The following CA3 variants were observed in gnomAD, a reference collection of about 807,000 sequenced individuals.
CA3 encodes carbonic anhydrase 3.
CA3 carries 30 observed loss-of-function variants against 35.7 expected under a neutral mutation model. That is an observed-to-expected ratio of 0.84 (90% CI 0.63 to 1.14). The LOEUF (loss-of-function observed/expected upper bound fraction) is 1.14. Ranked by LOEUF, CA3 falls within the 50% of genes most tolerant of loss-of-function variation. The pLI is 0.00. For synonymous variants in CA3, 131 were observed against 130.8 expected (o/e 1.00, Z -0.01); for missense variants, 295 against 328.5 (o/e 0.90, Z 0.79).
Position 85,438,889 on chromosome 8 carries a change from C to A in CA3, c.-21C>A. ...CAGGGGAAGAGAAAGCAGGAGCCGT[C>A]CAGCACGGAGGAAGGCGACCATGGC... On this transcript the variant is annotated 5_prime_UTR_variant, in exon 1 of 7. Transcript: ENST00000285381. 1.3e-6 allele frequency: 2 copies of A among 1,550,950 alleles called. No homozygotes were observed. The highest frequency in any genetic ancestry group is 4.9e-5 in the East Asian group (2 of 40,914).
chr8:85,443,298 A>C (rs150088867), intron 3 of CA3, among the ~76,000 whole-genome samples: 1 of 152,240 alleles, frequency 6.6e-6, no homozygotes, highest in Non-Finnish European at 1.5e-5. Context: ...AGCCAAACCA[A>C]TAAGTGGTGG....
chr8:85,448,100 T>C lies in CA3; in HGVS notation c.730T>C (p.Trp244Arg). Residue 244 changes from tryptophan to arginine, a missense_variant, in exon 7 of 7, where the codon TGG (tryptophan) becomes CGG (arginine). Physicochemically the swap from Trp to Arg is moderately radical, Grantham distance 101. Coordinates refer to ENST00000285381, the MANE Select transcript of CA3 (RefSeq NM_005181.4). ...NEPPVPLVSN[W>R]RPPQPINNRV... is the part of the protein sequence containing the mutation. The stretch of plus-strand genomic sequence containing the variant: ...GCCCCCAGTGCCTCTTGTGAGCAAC[T>C]GGCGACCTCCACAGCCTATCAATAA... 2 of 1,613,784 alleles carry C rather than the reference T, an allele frequency of 1.2e-6. No homozygotes were observed. Among genetic ancestry groups the C allele is most frequent in the East Asian group, 2.2e-5 (1 of 44,886 alleles).
chr8:85,438,866 G>A lies in CA3; in HGVS notation c.-44G>A. The A allele has an allele frequency of 6.5e-7, 1 of 1,550,032 alleles. No homozygotes were observed. The highest frequency in any genetic ancestry group is 1.4e-5 in the African/African-American group (1 of 73,144). ...GCTCGCGGCGACTCTGCACCACGCAGGGGAAGAGAAAGCAGGAGCCGTCCA... is the reference window on the plus strand; with the variant it reads ...GCTCGCGGCGACTCTGCACCACGCAAGGGAAGAGAAAGCAGGAGCCGTCCA... On this transcript the variant is annotated 5_prime_UTR_variant, in exon 1 of 7. Coordinates refer to ENST00000285381, the MANE Select transcript of CA3 (RefSeq NM_005181.4).
At chr8:85,440,467 T>G (rs1811192422) in intron 2 of CA3, among the ~76,000 whole-genome samples, 1 of 152,218 alleles carries the variant, frequency 6.6e-6, no homozygotes, top group African/African-American at 2.4e-5. Context: ...TGGGTGAGTA[T>G]TTTTGAAATA....
At chr8:85,440,112 CTG>C (rs928811771) in intron 2 of CA3, among the ~76,000 whole-genome samples, 1 of 152,192 alleles carries the variant, frequency 6.6e-6, no homozygotes, top group African/African-American at 2.4e-5. Flanking sequence ...AACTTGGTCT[CTG>C]TGAAAACGGC....
chr8:85,442,103 A>G lies in CA3; in HGVS notation c.263A>G (p.Tyr88Cys). The G allele has an allele frequency of 6.2e-7, 1 of 1,602,004 alleles. No homozygotes were observed. Among genetic ancestry groups the G allele is most frequent in the East Asian group, 2.2e-5 (1 of 44,808 alleles). ...MLRGGPLPGP[Y>C]RLRQFHLHWG... ...AGAGGGGGTCCTCTCCCTGGACCCT[A>G]CCGACTTCGCCAGTTTCATCTTCAC... The change falls in exon 3 of 7, where the codon TAC (tyrosine) becomes TGC (cysteine). Residue 88 changes from tyrosine to cysteine, a missense_variant. By Grantham distance (194) the Tyr-to-Cys change is radical. Transcript: ENST00000285381.
At chr8:85,447,635 C>T (rs886315006) in intron 6 of CA3, among the ~76,000 whole-genome samples, 6 of 152,200 alleles carry the variant, frequency 3.9e-5, no homozygotes, top group Admixed American at 6.5e-5. Context: ...GATGGCTTAA[C>T]GCCTGTAATC....
Position 85,446,173 on chromosome 8 carries a change from C to T in CA3, c.539C>T (p.Pro180Leu), listed in dbSNP as rs1363138251. Residue 180 changes from proline (P) to leucine (L), a missense_variant, in exon 6 of 7, where the codon CCA becomes CTA. Coordinates refer to ENST00000285381, the MANE Select transcript of CA3 (RefSeq NM_005181.4). ...GAGGCGCCCTTCACAAAGTTTGACC[C>T]ATCCTGCCTGTTCCCGGCATGCCGG... ...GKEAPFTKFD[P>L]SCLFPACRDY... The T allele has an allele frequency of 1.9e-6, 3 of 1,612,874 alleles. No individual in the cohort carries two copies. The highest frequency in any genetic ancestry group is 1.3e-5 in the African/African-American group (1 of 74,926).
chr8:85,445,533 C>CACAT (rs112446854), intron 5 of CA3, among the ~76,000 whole-genome samples: 39,144 of 141,698 alleles, frequency 0.28, 10,486 homozygotes, highest in East Asian at 0.61. Context: ...CACACACACA[C>CACAT]ACACACACAC....
intron 2 of CA3, 122 bp downstream of exon 2, chr8:85,440,031 G>A: frequency 1.5e-6 from 1 of 684,548 alleles, no homozygotes; most frequent in South Asian, 1.8e-5. Flanking sequence ...TTAAAATGCA[G>A]ATGACATTTG....
intron 4 of CA3, among the ~76,000 whole-genome samples, chr8:85,444,724 A>C (rs1352350783): frequency 6.6e-6 from 1 of 152,218 alleles, no homozygotes; most frequent in African/African-American, 2.4e-5. Flanking sequence ...TTTCTCTTTG[A>C]ATGACCTAAT....
intron 3 of CA3, among the ~76,000 whole-genome samples, chr8:85,442,636 C>T (rs1811223517): frequency 6.6e-6 from 1 of 152,108 alleles, no homozygotes; most frequent in Non-Finnish European, 1.5e-5. Context: ...TCACTTGAGC[C>T]TGGGAGGTCG....
In CA3 at chr8:85,445,149, C is replaced by A; in HGVS notation, c.445-7C>A. The A allele has an allele frequency of 6.3e-7, 1 of 1,589,310 alleles. No individual in the cohort carries two copies. Among genetic ancestry groups the A allele is most frequent in the Non-Finnish European group, 8.6e-7 (1 of 1,162,888 alleles). Reference sequence around the variant, plus strand: ...AGAACTATACTTGGATTTCTGTTTTCTTACAGATAGGACATGAGAATGGCG... The same window carrying A: ...AGAACTATACTTGGATTTCTGTTTTATTACAGATAGGACATGAGAATGGCG... On this transcript the variant is annotated splice_polypyrimidine_tract_variant and splice_region_variant and intron_variant, in intron 4 of 6. Coordinates refer to ENST00000285381, the MANE Select transcript of CA3 (RefSeq NM_005181.4).
intron 2 of CA3, 140 bp from the exon 3 acceptor site, chr8:85,441,933 T>C (rs1811212554): frequency 1.5e-6 from 1 of 646,088 alleles, no homozygotes; most frequent in African/African-American, 1.8e-5. Flanking sequence ...AGGAGTCCAG[T>C]GTCCTGGGAG....
intron 2 of CA3, among the ~76,000 whole-genome samples, chr8:85,441,104 A>G (rs1435971520): frequency 6.6e-6 from 1 of 152,230 alleles, no homozygotes; most frequent in Non-Finnish European, 1.5e-5. Context: ...ACAAACTCAT[A>G]TAGGCCTAGC....
chr8:85,439,729 G>A lies in CA3; in HGVS notation c.52G>A (p.Glu18Lys), dbSNP rs138863892. The A allele has an allele frequency of 6.8e-6, 11 of 1,613,514 alleles. No homozygotes were observed. In the African/African-American group the frequency reaches 1.1e-4, roughly 16 times the overall value. The stretch of plus-strand genomic sequence containing the variant: ...TTTCCTAGGTCCTGACCACTGGCAT[G>A]AACTTTTCCCAAATGCCAAGGGGGA... ...ASHNGPDHWH[E>K]LFPNAKGENQ... The change falls in exon 2 of 7, where the codon GAA (glutamate) becomes AAA (lysine). Residue 18 changes from glutamate (E) to lysine (K), a missense_variant. By Grantham distance (56) the Glu-to-Lys change is moderately conservative (BLOSUM62 1). Transcript: ENST00000285381.
chr8:85,440,541 GA>G (rs1332826210), intron 2 of CA3, among the ~76,000 whole-genome samples: 2 of 152,066 alleles, frequency 1.3e-5, no homozygotes, highest in Non-Finnish European at 2.9e-5. Context: ...TACATGTTTA[GA>G]AAAAACAAAT....
At chr8:85,440,840 C>T (rs1585997845) in intron 2 of CA3, among the ~76,000 whole-genome samples, 1 of 152,138 alleles carries the variant, frequency 6.6e-6, no homozygotes, top group African/African-American at 2.4e-5. Context: ...ACAGTGGTTT[C>T]GTATTGCTAT....
At chr8:85,441,189 G>T (rs1474565994) in intron 2 of CA3, among the ~76,000 whole-genome samples, 28 of 152,100 alleles carry the variant, frequency 1.8e-4, no homozygotes, top group Admixed American at 1.8e-3. Flanking sequence ...AAATAGCTAT[G>T]CTCTGAATTC....
Sources: allele counts gnomAD v4.1 joint callset (sites outside exome capture counted in the v4.1 genomes callset), GRCh38; gene constraint gnomAD v4.1.1; transcripts MANE v1.5; gene names NCBI Gene and HGNC (gene_info 2026-07-23, HGNC 2026-07-21).